ANKRD11: variants seen among roughly 807,000 people sequenced by gnomAD.
ANKRD11 encodes the protein ankyrin repeat domain-containing protein 11.
A neutral mutation model predicts 195.7 loss-of-function variants in ANKRD11; 17 were observed. The observed-to-expected ratio is 0.09, with a 90% CI of 0.06 to 0.13. The LOEUF (loss-of-function observed/expected upper bound fraction) is 0.13, where lower values mean the gene tolerates loss of function less well. Among genes scored for constraint, ANKRD11 ranks in the 10% least tolerant of loss-of-function variants. ANKRD11 has a pLI of 1.00. For missense variants in ANKRD11, 3,735 were observed against 3,566.1 expected, an observed-to-expected ratio of 1.05 and a Z score of -1.21; for synonymous variants, 1,953 against 1,528.1, an observed-to-expected ratio of 1.28 and a Z score of -6.49.
chr16:89,270,990 A>C (rs868693970), intron 11 of ANKRD11, 81 bp from the exon 12 acceptor site: 1 of 1,346,624 alleles, frequency 7.4e-7, no homozygotes, highest in African/African-American at 1.4e-5. Flanking sequence ...GCGATGCTGC[A>C]GTGACCGTTC....
chr16:89,344,061 C>G (rs1473214938), intron 2 of ANKRD11, among the ~76,000 whole-genome samples: 1 of 152,184 alleles, frequency 6.6e-6, no homozygotes, highest in East Asian at 1.9e-4. Flanking sequence ...CCCTCCTGCT[C>G]CCAGCGGAAG....
At position 89,281,744 on chromosome 16, in the gene ANKRD11, G is replaced by A. The variant is rs1300503919; in HGVS notation, c.4798C>T (p.Arg1600Trp). ...KDLEIEERHK[R>W]HKERMKQMEK... ...ATTTGCTTCATCCTCTCCTTGTGCCGCTTGTGGCGCTCCTCGATCTCCAGG... is the reference window on the plus strand; with the variant it reads ...ATTTGCTTCATCCTCTCCTTGTGCCACTTGTGGCGCTCCTCGATCTCCAGG... Residue 1600 changes from arginine (R) to tryptophan (W), a missense_variant, in exon 9 of 13, where the codon CGG becomes TGG. Coordinates refer to ENST00000301030, the MANE Select transcript of ANKRD11 (RefSeq NM_013275.6). The surrounding 1 kb of genome is among the most constrained non-coding windows in gnomAD (Gnocchi z 5.5). 6.2e-7 allele frequency: 1 copy of A among 1,613,922 alleles called. No individual in the cohort carries two copies. Among genetic ancestry groups the A allele is most frequent in the Non-Finnish European group, 8.5e-7 (1 of 1,179,972 alleles).
At chr16:89,366,897 T>G (rs963647805) in intron 2 of ANKRD11, among the ~76,000 whole-genome samples, 1 of 152,246 alleles carries the variant, frequency 6.6e-6, no homozygotes, top group African/African-American at 2.4e-5. Context: ...GTTGCTGCTG[T>G]GAACGACCCT....
chr16:89,392,958 G>C (rs1292764675), intron 2 of ANKRD11, among the ~76,000 whole-genome samples: 2 of 151,692 alleles, frequency 1.3e-5, no homozygotes, highest in Non-Finnish European at 2.9e-5. Flanking sequence ...AGTCACCAAG[G>C]CCCTTTCTGT....
intron 9 of ANKRD11, chr16:89,278,074 C>T (rs773934487): frequency 1.2e-4 from 23 of 191,102 alleles, no homozygotes; most frequent in South Asian, 1.1e-3. Context: ...TCAAGCGAGA[C>T]GGCTGCATCA....
At chr16:89,482,724 C>G (rs779507433) in intron 1 of ANKRD11, among the ~76,000 whole-genome samples, 6 of 152,066 alleles carry the variant, frequency 3.9e-5, no homozygotes, top group Non-Finnish European at 7.3e-5. Context: ...CCCAGGAGGT[C>G]GACGCTGCAG....
intron 2 of ANKRD11, among the ~76,000 whole-genome samples, chr16:89,371,353 C>T (rs377092292): frequency 1.3e-5 from 2 of 152,194 alleles, no homozygotes; most frequent in African/African-American, 4.8e-5. Flanking sequence ...CGCCAGTGTC[C>T]ATTCTACCAT....
At chr16:89,441,596 C>A (rs370294968) in intron 1 of ANKRD11, among the ~76,000 whole-genome samples, 1 of 151,482 alleles carries the variant, frequency 6.6e-6, no homozygotes, top group Non-Finnish European at 1.5e-5. Context: ...TAAAACCCCA[C>A]CTCTACTAAA....
At chr16:89,271,724 C>T (rs889052010) in intron 11 of ANKRD11, 3 of 152,248 alleles carry the variant, frequency 2.0e-5, no homozygotes, top group South Asian at 2.1e-4. Context: ...CCCTAGCTCT[C>T]GCCACATACA....
chr16:89,427,662 G>C (rs1053973456), intron 1 of ANKRD11, among the ~76,000 whole-genome samples: 2 of 151,746 alleles, frequency 1.3e-5, no homozygotes, highest in African/African-American at 4.8e-5. Flanking sequence ...AGCTGGGTGT[G>C]GTGGCACATG....
chr16:89,411,258 T>C (rs2042101057), intron 2 of ANKRD11, among the ~76,000 whole-genome samples: 1 of 152,176 alleles, frequency 6.6e-6, no homozygotes, highest in African/African-American at 2.4e-5. Flanking sequence ...ACCTTTTTGC[T>C]CTACTTCTCT....
Position 89,291,535 on chromosome 16 carries a change from C to A in ANKRD11, c.227-352G>T. The A allele has an allele frequency of 1.5e-6, 1 of 673,304 alleles. No homozygotes were observed. The highest frequency in any genetic ancestry group is 1.5e-5 in the South Asian group (1 of 66,694). 41.7% of individuals were successfully genotyped at this position (673,304 alleles called of 1,614,324 possible). Reference sequence around the variant, plus strand: ...GGACAGCTTAGCACCGGTGACCTGGCTCACACAGGACAGGTCTCTGTTCAA... The same window carrying A: ...GGACAGCTTAGCACCGGTGACCTGGATCACACAGGACAGGTCTCTGTTCAA... On this transcript the variant is annotated intron_variant, in intron 4 of 12. Coordinates refer to ENST00000301030, the MANE Select transcript of ANKRD11 (RefSeq NM_013275.6). This position sits in a 1 kb window ranked among gnomAD's most constrained non-coding sequence, Gnocchi z 5.3.
chr16:89,403,629 G>A (rs985876386), intron 2 of ANKRD11: 1 of 152,198 alleles, frequency 6.6e-6, no homozygotes, highest in Non-Finnish European at 1.5e-5. Flanking sequence ...CCCGGGAAGG[G>A]ATTTCAAAAC....
At chr16:89,394,702 C>G (rs1005309536) in intron 2 of ANKRD11, among the ~76,000 whole-genome samples, 2 of 151,696 alleles carry the variant, frequency 1.3e-5, no homozygotes, top group African/African-American at 2.4e-5. Context: ...ATAAAACCTG[C>G]GAAGACTGCT....
At position 89,473,324 on chromosome 16, in the gene ANKRD11, T is replaced by C. The variant is rs2057151281; in HGVS notation, c.-145+16921A>G. ...CATACTTACTACTGAAAATAACCAA[T>C]CTCTGCCTAGAGAATAGAGGTGGAG... On this transcript the variant is annotated intron_variant, in intron 1 of 12. Transcript: ENST00000301030. Among the ~76,000 whole-genome samples the C allele has an allele frequency of 6.6e-5, 10 of 152,202 alleles. No homozygotes were observed. The South Asian group carries it at 2.1e-3, about 32-fold the overall frequency.
intron 1 of ANKRD11, among the ~76,000 whole-genome samples, chr16:89,450,024 A>T (rs1002632551): frequency 2.6e-5 from 4 of 152,186 alleles, no homozygotes; most frequent in Non-Finnish European, 5.9e-5. Flanking sequence ...CACAACAGGA[A>T]AAGGCATTCT....
chr16:89,489,876 C>T (rs2057758922), intron 1 of ANKRD11, among the ~76,000 whole-genome samples: 1 of 143,966 alleles, frequency 6.9e-6, no homozygotes, highest in Non-Finnish European at 1.5e-5. Context: ...CCCCTCAGAG[C>T]CGCCGCGGGC....
At chr16:89,452,682 G>A (rs1462265401) in intron 1 of ANKRD11, among the ~76,000 whole-genome samples, 1 of 149,254 alleles carries the variant, frequency 6.7e-6, no homozygotes, top group African/African-American at 2.5e-5. Context: ...GCTGAGGCAG[G>A]AGGCAGGAAA....
intron 1 of ANKRD11, among the ~76,000 whole-genome samples, chr16:89,448,147 G>A (rs1443925668): frequency 6.6e-6 from 1 of 152,102 alleles, no homozygotes; most frequent in East Asian, 1.9e-4. Context: ...ATGCACCCTT[G>A]CAGACACTGG....
Sources: allele counts gnomAD v4.1 joint callset (sites outside exome capture counted in the v4.1 genomes callset), GRCh38; gene constraint gnomAD v4.1.1; non-coding constraint Gnocchi (gnomAD v3.1); transcripts MANE v1.5; gene names NCBI Gene and HGNC (gene_info 2026-07-23, HGNC 2026-07-21).